MRPL39: variants seen among roughly 807,000 people sequenced by gnomAD.
The protein encoded by MRPL39 is large ribosomal subunit protein mL39.
In MRPL39, 35 loss-of-function variants were observed where a neutral mutation model predicts 44.5. The observed-to-expected ratio is 0.79, with a 90% confidence interval of 0.60 to 1.04. MRPL39 has a LOEUF of 1.04. Ranked by LOEUF, MRPL39 falls within the 50% of genes least tolerant of loss-of-function variation. MRPL39 has a pLI of 0.00. For synonymous variants in MRPL39, 139 were observed against 136.1 expected (o/e 1.02, Z -0.15); for missense variants, 433 against 413.5 (o/e 1.05, Z -0.41).
chr21:25,587,842 T>C, intron 9 of MRPL39: 2 of 1,321,196 alleles, frequency 1.5e-6, no homozygotes, highest in South Asian at 1.2e-5. Flanking sequence ...ATAAGTTTAA[T>C]GTGTGATGCT....
Position 25,607,439 on chromosome 21 carries a change from G to T in MRPL39, c.37C>A (p.Leu13Ile). ...CCGCCACCGGGTGCGACCAGCCAGA[G>T]CCGCAGCGCCCGGGAACCCATGGCC... ...ALAMGSRALR[L>I]WLVAPGGGIK... The change falls in exon 1 of 10, where the codon CTC (leucine) becomes ATC (isoleucine). Residue 13 changes from leucine to isoleucine, a missense_variant. Coordinates refer to ENST00000352957, the MANE Select transcript of MRPL39 (RefSeq NM_017446.4). The T allele has an allele frequency of 1.2e-6, 2 of 1,613,322 alleles. No individual in the cohort carries two copies. The highest frequency in any genetic ancestry group is 2.2e-5 in the East Asian group (1 of 44,870).
At chr21:25,604,215 C>A (rs531450600) in intron 2 of MRPL39, among the ~76,000 whole-genome samples, 59 of 152,068 alleles carry the variant, frequency 3.9e-4, no homozygotes, top group Non-Finnish European at 5.0e-4. Context: ...GCCGAGATCA[C>A]GCCACTGCAT....
chr21:25,607,372 G>C, intron 1 of MRPL39, 31 bp downstream of exon 1: 5 of 1,612,222 alleles, frequency 3.1e-6, no homozygotes, highest in Non-Finnish European at 4.2e-6. Flanking sequence ...TCTAGGCCTC[G>C]CTCCCTGTCC....
intron 6 of MRPL39, among the ~76,000 whole-genome samples, chr21:25,596,756 T>G (rs186861688): frequency 1.7e-4 from 26 of 152,342 alleles, no homozygotes; most frequent in African/African-American, 6.3e-4. Context: ...TTAGCTCATG[T>G]TCTTACAACT....
chr21:25,606,299 C>T, intron 2 of MRPL39, 150 bp downstream of exon 2: 1 of 607,306 alleles, frequency 1.6e-6, no homozygotes, highest in Non-Finnish European at 2.7e-6. Flanking sequence ...GGAGCAGTCA[C>T]CATGCAGGTC....
At position 25,603,783 on chromosome 21, in the gene MRPL39, G is replaced by C; in HGVS notation, c.420+13C>G. 9.4e-6 allele frequency: 15 copies of C among 1,591,608 alleles called. No individual in the cohort carries two copies. Among genetic ancestry groups the C allele is most frequent in the Non-Finnish European group, 1.3e-5 (15 of 1,170,962 alleles). On this transcript the variant is annotated intron_variant, in intron 3 of 9. Transcript: ENST00000352957. ...ACTGGGGAAATAGAAAAAGAATGTA[G>C]AGATAGAAATACCTTATTCACTTCT...
intron 8 of MRPL39, 150 bp from the exon 9 acceptor site, chr21:25,589,032 C>CA (rs1420729354): frequency 2.4e-5 from 15 of 628,510 alleles, no homozygotes; most frequent in Non-Finnish European, 3.4e-5. Flanking sequence ...ATCATAGTAG[C>CA]AAAAAAAGGT....
At chr21:25,596,313 T>C (rs1416802632) in intron 6 of MRPL39, among the ~76,000 whole-genome samples, 2 of 152,218 alleles carry the variant, frequency 1.3e-5, no homozygotes, top group African/African-American at 4.8e-5. Context: ...TTAGCCAAGA[T>C]GGTCTCGATC....
chr21:25,598,673 C>T (rs1172265429), intron 5 of MRPL39, among the ~76,000 whole-genome samples: 1 of 151,998 alleles, frequency 6.6e-6, no homozygotes, highest in Non-Finnish European at 1.5e-5. Flanking sequence ...TCTTCCCTCT[C>T]CCTTTTTCTC....
At position 25,585,675 on chromosome 21, in the gene MRPL39, T is replaced by C. The variant is rs2030976694; in HGVS notation, c.*32A>G. On this transcript the variant is annotated 3_prime_UTR_variant, in exon 10 of 10. Coordinates refer to ENST00000352957, the MANE Select transcript of MRPL39 (RefSeq NM_017446.4). ...CAAACATTATATTTAAAACATTTAT[T>C]TTATTATACATATTTAAATTTTAGA... 3.4e-6 allele frequency: 4 copies of C among 1,167,572 alleles called. No individual in the cohort carries two copies. The highest frequency in any genetic ancestry group is 2.4e-6 in the Non-Finnish European group (2 of 821,686). 72.3% of individuals were successfully genotyped at this position (1,167,572 alleles called of 1,614,324 possible). A position where few individuals can be genotyped will look rare whatever the true frequency, so the allele number is the denominator to read the frequency against.
intron 6 of MRPL39, 39 bp downstream of exon 6, chr21:25,597,263 G>C (rs2031387414): frequency 7.7e-7 from 1 of 1,291,214 alleles, no homozygotes; most frequent in Admixed American, 1.9e-5. Context: ...ATATAATACT[G>C]GGAGAGTTAG....
chr21:25,607,383 C>T lies in MRPL39; in HGVS notation c.73+20G>A. On this transcript the variant is annotated intron_variant, in intron 1 of 9. Coordinates refer to ENST00000352957, the MANE Select transcript of MRPL39 (RefSeq NM_017446.4). ...ACTATCTAGGCCTCGCTCCCTGTCC[C>T]TACGGCCTCTGAAACTCACTCCATT... is the stretch of plus-strand genomic sequence containing the variant. 1 of 1,613,808 alleles carries T rather than the reference C, an allele frequency of 6.2e-7. No homozygotes were observed. The highest frequency in any genetic ancestry group is 8.5e-7 in the Non-Finnish European group (1 of 1,179,886).
upstream of MRPL39, chr21:25,607,482 G>A (rs758831359): frequency 1.2e-6 from 2 of 1,610,388 alleles, no homozygotes; most frequent in Non-Finnish European, 1.7e-6. Context: ...CCATAGCAGC[G>A]GTGAGAACCG....
Position 25,601,351 on chromosome 21 carries a change from A to ATATACT in MRPL39, c.520+16_520+17insAGTATA, listed in dbSNP as rs71720449. ...AAATATTTAAGGATCACAAAAAGACATATATGTATACACTACCAGGAACTT... is the reference window on the plus strand; with the variant it reads ...AAATATTTAAGGATCACAAAAAGACATATACTTATATGTATACACTACCAGGAACTT... On this transcript the variant is annotated intron_variant, in intron 4 of 9. Coordinates refer to ENST00000352957, the MANE Select transcript of MRPL39 (RefSeq NM_017446.4). 0.8 allele frequency: 1,204,857 copies of ATATACT among 1,507,464 alleles called. 484,349 individuals are homozygous for ATATACT. The highest frequency in any genetic ancestry group is 0.82 in the Non-Finnish European group (897,707 of 1,097,662). The allele number at this position is 1,507,464 out of a possible 1,614,324, so 93.4% of individuals were successfully genotyped here.
chr21:25,592,712 G>A, intron 8 of MRPL39, 100 bp downstream of exon 8: 14 of 917,770 alleles, frequency 1.5e-5, no homozygotes, highest in Non-Finnish European at 1.9e-5. Flanking sequence ...CATAACTTAA[G>A]AAAAATTAAA....
Position 25,597,349 on chromosome 21 carries a change from A to G in MRPL39, c.654T>C (p.Thr218=), listed in dbSNP as rs368811427. Residue 218 remains threonine, a synonymous_variant, in exon 6 of 10, where the codon ACT becomes ACC. Coordinates refer to ENST00000352957, the MANE Select transcript of MRPL39 (RefSeq NM_017446.4). The stretch of plus-strand genomic sequence containing the variant: ...ATGCCACTTTTGCTTCAACTTCCAG[A>G]GTTTCAAATGGAAGATCTTTATAAA... ...ALIYKDLPFE[T]LEVEAKVALE... 2 of 1,603,950 alleles carry G rather than the reference A, an allele frequency of 1.2e-6. No homozygotes were observed. Among genetic ancestry groups the G allele is most frequent in the African/African-American group, 1.3e-5 (1 of 74,708 alleles).
intron 5 of MRPL39, 55 bp from the exon 6 acceptor site, chr21:25,597,469 A>G: frequency 9.7e-7 from 1 of 1,036,090 alleles, no homozygotes; most frequent in South Asian, 1.5e-5. Context: ...GCATTTCTCC[A>G]TAAGCCAGTT....
intron 6 of MRPL39, among the ~76,000 whole-genome samples, 197 bp downstream of exon 6, chr21:25,597,105 A>C (rs1456830433): frequency 1.3e-5 from 2 of 152,258 alleles, no homozygotes; most frequent in Non-Finnish European, 2.9e-5. Context: ...CAGAGAAGTA[A>C]AACAAAGTGA....
chr21:25,604,648 C>T (rs2031612909), intron 2 of MRPL39, among the ~76,000 whole-genome samples: 1 of 152,124 alleles, frequency 6.6e-6, no homozygotes, highest in South Asian at 2.1e-4. Flanking sequence ...GTTTCATCAT[C>T]CCAGAATGCA....
Sources: gnomAD v4.1 joint callset for allele counts (sites outside exome capture counted in the v4.1 genomes callset) on GRCh38, gnomAD v4.1.1 for gene constraint, MANE v1.5 for transcripts, NCBI Gene and HGNC (gene_info 2026-07-23, HGNC 2026-07-21) for gene names.